UNC5D: variants seen among roughly 807,000 people sequenced by gnomAD.
UNC5D encodes the protein netrin receptor UNC5D.
In UNC5D, 39 loss-of-function variants were observed where a neutral mutation model predicts 105.4. That is an observed-to-expected ratio of 0.37 (90% confidence interval 0.29 to 0.48). UNC5D has a LOEUF of 0.48. UNC5D is among the 20% of genes least tolerant of loss of function. The pLI, the probability that UNC5D is intolerant of heterozygous loss-of-function variation, is 0.98. For synonymous variants in UNC5D, 452 were observed against 450.4 expected (o/e 1.00, Z -0.04); for missense variants, 991 against 1,202.4 (o/e 0.82, Z 2.60).
At chr8:35,674,361 A>G (rs1825046623) in intron 4 of UNC5D, among the ~76,000 whole-genome samples, 1 of 152,156 alleles carries the variant, frequency 6.6e-6, no homozygotes, top group African/African-American at 2.4e-5. Context: ...GAATCAAATT[A>G]TGTCTATATA....
intron 1 of UNC5D, among the ~76,000 whole-genome samples, chr8:35,405,211 G>A (rs906087588): frequency 4.6e-5 from 7 of 152,112 alleles, no homozygotes; most frequent in African/African-American, 1.4e-4. Context: ...CCCAGATAAT[G>A]GGGAAAGGAG....
chr8:35,353,130 C>G (rs898794196), intron 1 of UNC5D, among the ~76,000 whole-genome samples: 4 of 152,108 alleles, frequency 2.6e-5, no homozygotes, highest in African/African-American at 9.7e-5. Flanking sequence ...ACCAACGGAA[C>G]TTAGGAAAAT....
chr8:35,782,688 AG>A (rs1802558506), intron 16 of UNC5D, among the ~76,000 whole-genome samples: 1 of 152,040 alleles, frequency 6.6e-6, no homozygotes, highest in African/African-American at 2.4e-5. Context: ...TATTTTTAGT[AG>A]AGACGGGATT....
chr8:35,541,986 C>T (rs1174998053), intron 1 of UNC5D, among the ~76,000 whole-genome samples: 1 of 152,200 alleles, frequency 6.6e-6, no homozygotes. Flanking sequence ...GTCTTAAGCA[C>T]TCTTTCCCAT....
chr8:35,698,053 G>A (rs563026145), intron 7 of UNC5D, among the ~76,000 whole-genome samples: 3 of 152,210 alleles, frequency 2.0e-5, no homozygotes, highest in African/African-American at 7.2e-5. Context: ...GGAAGCCACT[G>A]TGACCCTATG....
At chr8:35,369,910 T>C (rs1337957976) in intron 1 of UNC5D, among the ~76,000 whole-genome samples, 1 of 152,152 alleles carries the variant, frequency 6.6e-6, no homozygotes, top group African/African-American at 2.4e-5. Flanking sequence ...ACCCACTTAT[T>C]TTCTGTGTTG....
chr8:35,550,915 G>A (rs1321275217), intron 2 of UNC5D, among the ~76,000 whole-genome samples: 3 of 152,160 alleles, frequency 2.0e-5, no homozygotes, highest in African/African-American at 4.8e-5. Flanking sequence ...CTTGGTATAC[G>A]TTCAGCAAAA....
At chr8:35,408,799 T>C (rs1804972276) in intron 1 of UNC5D, among the ~76,000 whole-genome samples, 1 of 151,738 alleles carries the variant, frequency 6.6e-6, no homozygotes, top group African/African-American at 2.4e-5. Flanking sequence ...CAAATGTCCA[T>C]GGCCTTAAGT....
intron 1 of UNC5D, among the ~76,000 whole-genome samples, chr8:35,263,980 C>A: frequency 6.6e-6 from 1 of 152,110 alleles, no homozygotes; most frequent in East Asian, 1.9e-4. Context: ...ATAATTAATA[C>A]CAGTATTTAT....
chr8:35,628,261 G>A (rs751724133), intron 4 of UNC5D, among the ~76,000 whole-genome samples: 1 of 152,056 alleles, frequency 6.6e-6, no homozygotes, highest in Non-Finnish European at 1.5e-5. Context: ...AGCTTCCCAA[G>A]TAGCTGGGAT....
At chr8:35,238,721 A>G (rs1802621613) in intron 1 of UNC5D, among the ~76,000 whole-genome samples, 1 of 152,180 alleles carries the variant, frequency 6.6e-6, no homozygotes, top group African/African-American at 2.4e-5. Flanking sequence ...CTTTCATACA[A>G]TTTCTTGCTT....
At chr8:35,534,014 G>A (rs1393216648) in intron 1 of UNC5D, among the ~76,000 whole-genome samples, 3 of 148,262 alleles carry the variant, frequency 2.0e-5, no homozygotes, top group South Asian at 2.2e-4. Flanking sequence ...CTTCTGCGTC[G>A]CTCACGCTGG....
chr8:35,649,814 A>G (rs547305891), intron 4 of UNC5D, among the ~76,000 whole-genome samples: 3 of 152,318 alleles, frequency 2.0e-5, no homozygotes, highest in African/African-American at 7.2e-5. Context: ...CAAGCCTGCC[A>G]AGGTTATGAA....
In UNC5D at chr8:35,766,975, C is replaced by T. The variant is rs758920980; in HGVS notation, c.2387C>T (p.Thr796Met). 34 of 1,613,932 alleles carry T rather than the reference C, an allele frequency of 2.1e-5. 1 individual carries two copies. Among genetic ancestry groups the T allele is most frequent in the South Asian group, 1.6e-4 (15 of 91,080 alleles). ...LHCAFSLERY[T>M]PTTTQLSCKI... ...TGTGCCTTCTCCCTGGAGCGTTATA[C>T]GCCCACTACCACCCAGCTGTCCTGC... Residue 796 changes from threonine to methionine, a missense_variant, in exon 15 of 17, where the codon ACG (threonine) becomes ATG (methionine). Physicochemically the swap from Thr to Met is moderately conservative, Grantham distance 81. Transcript: ENST00000404895.
intron 1 of UNC5D, among the ~76,000 whole-genome samples, chr8:35,378,056 C>G (rs965290977): frequency 3.3e-5 from 5 of 152,098 alleles, no homozygotes; most frequent in Non-Finnish European, 7.4e-5. Context: ...CTGGCTGCTG[C>G]TATCTGGTCA....
intron 1 of UNC5D, among the ~76,000 whole-genome samples, chr8:35,397,777 C>T (rs1804199299): frequency 6.6e-6 from 1 of 152,144 alleles, no homozygotes; most frequent in South Asian, 2.1e-4. Flanking sequence ...CTTCTCTATT[C>T]AACATTTGCC....
At chr8:35,560,347 G>A (rs1461091717) in intron 2 of UNC5D, among the ~76,000 whole-genome samples, 3 of 152,196 alleles carry the variant, frequency 2.0e-5, no homozygotes, top group Non-Finnish European at 4.4e-5. Context: ...AGTGGAGGAA[G>A]AGCAATTTTC....
intron 16 of UNC5D, among the ~76,000 whole-genome samples, chr8:35,774,926 CAAAAAA>C (rs548702956): frequency 1.7e-5 from 2 of 120,392 alleles, no homozygotes; most frequent in African/African-American, 7.5e-5. Context: ...GACCCTCCTC[CAAAAAA>C]AAAAAAAAAG....
chr8:35,611,354 C>G (rs1234265379), intron 4 of UNC5D, among the ~76,000 whole-genome samples: 1 of 152,164 alleles, frequency 6.6e-6, no homozygotes, highest in Non-Finnish European at 1.5e-5. Context: ...GGCCCCATCT[C>G]TTGTAATCTG....
Sources: gnomAD v4.1 joint callset for allele counts (sites outside exome capture counted in the v4.1 genomes callset) on GRCh38, gnomAD v4.1.1 for gene constraint, MANE v1.5 for transcripts, NCBI Gene and HGNC (gene_info 2026-07-23, HGNC 2026-07-21) for gene names.